CHL1: variants seen among roughly 807,000 people sequenced by gnomAD.
CHL1 encodes the protein neural cell adhesion molecule L1-like protein.
A neutral mutation model predicts 141.9 loss-of-function variants in CHL1; 96 were observed. That is an observed-to-expected ratio of 0.68 (90% CI 0.57 to 0.80). The LOEUF (loss-of-function observed/expected upper bound fraction) is 0.80. Among genes scored for constraint, CHL1 ranks in the 30% least tolerant of loss-of-function variants. The pLI is 0.00. For missense variants in CHL1, 1,820 were observed against 1,457.2 expected (o/e 1.25, Z -4.05); for synonymous variants, 613 against 502.2 (o/e 1.22, Z -2.95).
chr3:280,806 A>G (rs536226038), intron 2 of CHL1, among the ~76,000 whole-genome samples: 1 of 152,244 alleles, frequency 6.6e-6, no homozygotes, highest in East Asian at 1.9e-4. Context: ...TTAATGAGTA[A>G]TAGAGTGGAA....
At chr3:305,074 T>A (rs1026108993) in intron 2 of CHL1, among the ~76,000 whole-genome samples, 2 of 152,136 alleles carry the variant, frequency 1.3e-5, no homozygotes, top group Admixed American at 6.6e-5. Flanking sequence ...CCATAACATT[T>A]AGGAAAACAT....
chr3:349,332 G>A (rs374229637), intron 9 of CHL1, 27 bp from the exon 10 acceptor site: 63 of 1,577,862 alleles, frequency 4.0e-5, no homozygotes, highest in Non-Finnish European at 5.2e-5. Context: ...TTAAAAAAAT[G>A]TTTATTTATT....
intron 24 of CHL1, among the ~76,000 whole-genome samples, chr3:397,322 T>C (rs1040698505): frequency 1.4e-4 from 21 of 152,130 alleles, no homozygotes; most frequent in Admixed American, 6.5e-4. Flanking sequence ...TAAAACCTTT[T>C]TGTTATTTAG....
At chr3:325,288 C>G (rs1700917410) in intron 3 of CHL1, among the ~76,000 whole-genome samples, 1 of 151,838 alleles carries the variant, frequency 6.6e-6, no homozygotes, top group Non-Finnish European at 1.5e-5. Context: ...TAGAGAACCA[C>G]TCTATTTTTG....
chr3:326,281 T>A (rs1474348728), intron 4 of CHL1, among the ~76,000 whole-genome samples: 1 of 152,080 alleles, frequency 6.6e-6, no homozygotes, highest in East Asian at 1.9e-4. Context: ...AACTAAGGGC[T>A]GTTATTAAAA....
At chr3:202,298 GAT>G (rs1279015886) in intron 1 of CHL1, among the ~76,000 whole-genome samples, 1 of 152,166 alleles carries the variant, frequency 6.6e-6, no homozygotes, top group Non-Finnish European at 1.5e-5. Context: ...AATGAACAAA[GAT>G]AGAGGGACAG....
chr3:328,068 A>G, intron 4 of CHL1, 99 bp from the exon 5 acceptor site: 1 of 857,208 alleles, frequency 1.2e-6, no homozygotes. Context: ...TTTTTATCAT[A>G]AAATGTCTTG....
chr3:236,989 G>C (rs1025935045), intron 1 of CHL1, among the ~76,000 whole-genome samples: 12 of 152,144 alleles, frequency 7.9e-5, no homozygotes, highest in African/African-American at 2.9e-4. Context: ...TTAATAGGGA[G>C]TGTTACTGAC....
At chr3:234,849 C>T (rs961790185) in intron 1 of CHL1, among the ~76,000 whole-genome samples, 1 of 152,132 alleles carries the variant, frequency 6.6e-6, no homozygotes, top group Non-Finnish European at 1.5e-5. Flanking sequence ...TAAACAAAGA[C>T]CCTTTGTACA....
chr3:338,897 AG>A (rs1163202590), intron 5 of CHL1, among the ~76,000 whole-genome samples: 2 of 152,174 alleles, frequency 1.3e-5, no homozygotes, highest in African/African-American at 4.8e-5. Flanking sequence ...TCGAATTGCT[AG>A]GTTTTTTTTA....
chr3:393,040 T>C (rs148347839), intron 23 of CHL1, among the ~76,000 whole-genome samples: 1,946 of 152,190 alleles, frequency 0.013, 47 homozygotes, highest in African/African-American at 0.044. Context: ...GAGACCATCC[T>C]GGCTAACACG....
chr3:356,228 A>T (rs1053006307), intron 11 of CHL1, among the ~76,000 whole-genome samples: 2 of 152,234 alleles, frequency 1.3e-5, no homozygotes, highest in Non-Finnish European at 2.9e-5. Context: ...TTTGTTTATA[A>T]TGAATGTTCA....
chr3:301,993 G>A (rs1289544060), intron 2 of CHL1, among the ~76,000 whole-genome samples: 1 of 152,168 alleles, frequency 6.6e-6, no homozygotes, highest in Non-Finnish European at 1.5e-5. Context: ...GTGAGAATAT[G>A]TGGTGCATGG....
At chr3:244,177 A>C (rs1692934784) in intron 1 of CHL1, among the ~76,000 whole-genome samples, 1 of 152,160 alleles carries the variant, frequency 6.6e-6, no homozygotes, top group Non-Finnish European at 1.5e-5. Flanking sequence ...TTCCTGACGA[A>C]GCTCTCCTCG....
chr3:360,505 C>A, intron 12 of CHL1, 81 bp downstream of exon 12: 1 of 1,366,144 alleles, frequency 7.3e-7, no homozygotes, highest in South Asian at 1.4e-5. Flanking sequence ...TGTATTAACT[C>A]TTGACACATA....
At chr3:291,244 A>G (rs567277760) in intron 2 of CHL1, among the ~76,000 whole-genome samples, 29 of 152,108 alleles carry the variant, frequency 1.9e-4, no homozygotes, top group African/African-American at 6.5e-4. Context: ...AACCTTTTGA[A>G]TTTATTTATC....
At chr3:313,317 A>G (rs923977111) in intron 2 of CHL1, among the ~76,000 whole-genome samples, 3 of 152,236 alleles carry the variant, frequency 2.0e-5, no homozygotes, top group African/African-American at 7.2e-5. Flanking sequence ...AAAAATCACT[A>G]AAATAAAATG....
intron 14 of CHL1, chr3:363,658 T>A (rs1225406102): frequency 1.2e-5 from 3 of 251,910 alleles, no homozygotes; most frequent in Non-Finnish European, 2.3e-5. Flanking sequence ...CTATTAACCA[T>A]ACTACACCAT....
At chr3:354,611 C>G (rs764932697) in intron 10 of CHL1, 29 bp from the exon 11 acceptor site, 1 of 1,578,924 alleles carries the variant, frequency 6.3e-7, no homozygotes, top group Admixed American at 1.9e-5. Context: ...TAGATAACAT[C>G]TCTCATGAGC....
Sources: gnomAD v4.1 joint callset for allele counts (sites outside exome capture counted in the v4.1 genomes callset) on GRCh38, gnomAD v4.1.1 for gene constraint, MANE v1.5 for transcripts, NCBI Gene and HGNC (gene_info 2026-07-23, HGNC 2026-07-21) for gene names.